SERPINA10: variants seen among roughly 807,000 people sequenced by gnomAD.
The protein encoded by SERPINA10 is serpin family A member 10, also known as protein Z-dependent protease inhibitor.
A neutral mutation model predicts 28.0 loss-of-function variants in SERPINA10; 24 were observed. That is an observed-to-expected ratio of 0.86 (90% CI 0.62 to 1.20). The LOEUF (loss-of-function observed/expected upper bound fraction) is 1.20. Ranked by LOEUF, SERPINA10 falls within the 50% of genes most tolerant of loss-of-function variation. SERPINA10 has a pLI of 0.00. For synonymous variants in SERPINA10, 207 were observed against 203.9 expected (o/e 1.02, Z -0.13); for missense variants, 521 against 537.7 (o/e 0.97, Z 0.31).
intron 1 of SERPINA10, among the ~76,000 whole-genome samples, chr14:94,292,079 C>T (rs747982602): frequency 1.3e-4 from 20 of 152,228 alleles, no homozygotes; most frequent in Non-Finnish European, 5.9e-5. Context: ...TCAGTGTAAA[C>T]GCAGCCCAGT....
chr14:94,291,571 C>T (rs1895179861), intron 1 of SERPINA10, among the ~76,000 whole-genome samples: 1 of 152,232 alleles, frequency 6.6e-6, no homozygotes, highest in Non-Finnish European at 1.5e-5. Flanking sequence ...GGCCTGATCC[C>T]AGAGGCTGGC....
chr14:94,288,532 A>T lies in SERPINA10; in HGVS notation c.746T>A (p.Val249Asp). 2 of 1,614,178 alleles carry T rather than the reference A, an allele frequency of 1.2e-6. No homozygotes were observed. The highest frequency in any genetic ancestry group is 1.7e-6 in the Non-Finnish European group (2 of 1,180,032). Residue 249 changes from valine (V) to aspartate (D), a missense_variant, in exon 3 of 5, where the codon GTC becomes GAC. Transcript: ENST00000261994. ...KGKWLTPFDPVFTEVDTFHLD... is the reference protein window; with the variant it reads ...KGKWLTPFDPDFTEVDTFHLD... ...GTGGAAAGTGTCGACTTCGGTGAAG[A>T]CAGGGTCAAATGGGGTCAACCATTT...
Position 94,283,764 on chromosome 14 carries a change from C to T in SERPINA10, c.*201G>A. The stretch of plus-strand genomic sequence containing the variant: ...TATATATAAGGTTCAGCACTGTCCA[C>T]CGTTTCAGGCATCTGCTGGGGGTCT... On this transcript the variant is annotated 3_prime_UTR_variant, in exon 5 of 5. Transcript: ENST00000261994. 1.6e-6 allele frequency: 1 copy of T among 615,004 alleles called. No individual in the cohort carries two copies. The highest frequency in any genetic ancestry group is 2.9e-6 in the Non-Finnish European group (1 of 347,780). The allele number at this position is 615,004 out of a possible 1,614,324, so 38.1% of individuals were successfully genotyped here.
In SERPINA10 at chr14:94,284,033, T is replaced by C. The variant is rs202084602; in HGVS notation, c.1267A>G (p.Met423Val). 1.2e-5 allele frequency: 20 copies of C among 1,614,042 alleles called. No individual in the cohort carries two copies. Among genetic ancestry groups the C allele is most frequent in the Non-Finnish European group, 1.5e-5 (18 of 1,180,028 alleles). ...VIKVDRPFHF[M>V]IYEETSGMLL... is the part of the protein sequence containing the mutation. ...ATTCCAGAGGTTTCTTCATAGATCA[T>C]GAAATGAAATGGCCGGTCCACTTTG... Residue 423 changes from methionine to valine, a missense_variant, in exon 5 of 5, where the codon ATG (methionine) becomes GTG (valine). By Grantham distance (21) the Met-to-Val change is conservative. Coordinates refer to ENST00000261994, the MANE Select transcript of SERPINA10 (RefSeq NM_001100607.3).
In SERPINA10 at chr14:94,284,048, G is replaced by A. The variant is rs751842440; in HGVS notation, c.1252C>T (p.Arg418Trp). 6.8e-6 allele frequency: 11 copies of A among 1,614,062 alleles called. No individual in the cohort carries two copies. Among genetic ancestry groups the A allele is most frequent in the Admixed American group, 3.3e-5 (2 of 60,000 alleles). Residue 418 changes from arginine to tryptophan, a missense_variant, in exon 5 of 5, where the codon CGG becomes TGG. Transcript: ENST00000261994. ...TCATAGATCATGAAATGAAATGGCC[G>A]GTCCACTTTGATGACAGGAGGCATG... ...YSMPPVIKVDRPFHFMIYEET... is the reference protein window; with the variant it reads ...YSMPPVIKVDWPFHFMIYEET...
At chr14:94,289,172 G>C (rs894290403) in intron 2 of SERPINA10, among the ~76,000 whole-genome samples, 9 of 152,222 alleles carry the variant, frequency 5.9e-5, no homozygotes, top group African/African-American at 2.2e-4. Flanking sequence ...TGTAAGTCTG[G>C]TGCCAGCTCT....
chr14:94,285,642 T>C (rs1481876553), intron 4 of SERPINA10, among the ~76,000 whole-genome samples: 3 of 151,924 alleles, frequency 2.0e-5, no homozygotes, highest in African/African-American at 4.8e-5. Flanking sequence ...TTCAAAGAAA[T>C]GGTGAGTTTG....
At chr14:94,288,707 T>C (rs928551794) in intron 2 of SERPINA10, 148 bp from the exon 3 acceptor site, 25 of 1,148,410 alleles carry the variant, frequency 2.2e-5, no homozygotes, top group Non-Finnish European at 1.3e-6. Flanking sequence ...CCTAATTGGG[T>C]TGGCTTTTCC....
Position 94,286,150 on chromosome 14 carries a change from A to G in SERPINA10, c.1101T>C (p.Leu367=). ...IRRIFSPFAD[L]SELSATGRNL... is the part of the protein sequence containing the mutation. ...TTCTTCCAGTAGCTGAGAGTTCACT[A>G]AGGTCAGCAAAGGGTGAGAAGATTC... Residue 367 remains leucine (L), a synonymous_variant, in exon 4 of 5, where the codon CTT becomes CTC. Coordinates refer to ENST00000261994, the MANE Select transcript of SERPINA10 (RefSeq NM_001100607.3). 6.2e-7 allele frequency: 1 copy of G among 1,614,144 alleles called. No individual in the cohort carries two copies. Among genetic ancestry groups the G allele is most frequent in the East Asian group, 2.2e-5 (1 of 44,854 alleles).
Position 94,283,946 on chromosome 14 carries a change from T to G in SERPINA10, c.*19A>C, listed in dbSNP as rs1323765644. On this transcript the variant is annotated 3_prime_UTR_variant, in exon 5 of 5. Coordinates refer to ENST00000261994, the MANE Select transcript of SERPINA10 (RefSeq NM_001100607.3). Reference sequence around the variant, plus strand: ...ATTCAGCATCTACTACAGCACGAAGTGCTTATGCGTGTCCTGAATTATAGG... The same window carrying G: ...ATTCAGCATCTACTACAGCACGAAGGGCTTATGCGTGTCCTGAATTATAGG... The G allele has an allele frequency of 1.6e-5, 26 of 1,612,798 alleles. No homozygotes were observed. The Admixed American group carries it at 4.3e-4, about 27-fold the overall frequency.
intron 2 of SERPINA10, 114 bp downstream of exon 2, chr14:94,289,762 A>AAC (rs1895113001): frequency 8.3e-7 from 1 of 1,208,112 alleles, no homozygotes; most frequent in Middle Eastern, 1.9e-4. Context: ...GAAACGTGAA[A>AAC]ACACATTCAT....
At chr14:94,292,730 A>T (rs1260603838) in intron 1 of SERPINA10, 1 of 699,970 alleles carries the variant, frequency 1.4e-6, no homozygotes, top group African/African-American at 1.8e-5. Flanking sequence ...AACCCTTTGG[A>T]GTCTAGGCCA....
chr14:94,280,748 C>T lies in SERPINA10; in HGVS notation c.*3217G>A, dbSNP rs1234328837. The T allele has an allele frequency of 6.6e-6, 1 of 152,126 alleles. No individual in the cohort carries two copies. The highest frequency in any genetic ancestry group is 1.9e-4 in the East Asian group (1 of 5,198). 9.4% of individuals were successfully genotyped at this position (152,126 alleles called of 1,614,324 possible). On this transcript the variant is annotated 3_prime_UTR_variant, in exon 5 of 5. Transcript: ENST00000261994. The stretch of plus-strand genomic sequence containing the variant: ...AAACTTGCATTTTTAAGAACAAGTC[C>T]AGGAATTTCACTAGTTAGCCTTACA...
At chr14:94,291,090 C>T (rs1033253415) in intron 1 of SERPINA10, among the ~76,000 whole-genome samples, 6 of 152,214 alleles carry the variant, frequency 3.9e-5, no homozygotes, top group Non-Finnish European at 7.3e-5. Context: ...TGCCCAGTGC[C>T]CTGTTTGGCT....
At chr14:94,287,798 C>T (rs1301858602) in intron 3 of SERPINA10, among the ~76,000 whole-genome samples, 2 of 152,158 alleles carry the variant, frequency 1.3e-5, no homozygotes, top group Non-Finnish European at 1.5e-5. Context: ...ACACTTCTGC[C>T]TGTAACATAA....
At chr14:94,285,985 G>T (rs917553338) in intron 4 of SERPINA10, 123 bp downstream of exon 4, 8 of 1,194,520 alleles carry the variant, frequency 6.7e-6, no homozygotes, top group East Asian at 2.5e-5. Context: ...TCAAGTATTT[G>T]GGACTTAAAT....
At chr14:94,284,212 T>G in intron 4 of SERPINA10, 56 bp from the exon 5 acceptor site, 1 of 1,477,328 alleles carries the variant, frequency 6.8e-7, no homozygotes, top group Non-Finnish European at 9.4e-7. Flanking sequence ...AAGGAGGAAT[T>G]AAATGAGCCC....
At chr14:94,288,167 C>T in intron 3 of SERPINA10, 119 bp downstream of exon 3, 1 of 1,400,856 alleles carries the variant, frequency 7.1e-7, no homozygotes, top group Admixed American at 1.7e-5. Context: ...GCCCTGCCTT[C>T]AGGAAACTTA....
chr14:94,286,234 C>G lies in SERPINA10; in HGVS notation c.1017G>C (p.Lys339Asn), dbSNP rs1183642548. ...TCTCATACTTCTGATCTAGCTTGAA[C>G]TTCGGAAAGAAAACTTCCATGTTTC... ...KTRNMEVFFP[K>N]FKLDQKYEMH... Residue 339 changes from lysine (K) to asparagine (N), a missense_variant, in exon 4 of 5, where the codon AAG (lysine) becomes AAC (asparagine). Lys to Asn is a moderately conservative substitution (Grantham distance 94). Coordinates refer to ENST00000261994, the MANE Select transcript of SERPINA10 (RefSeq NM_001100607.3). 3 of 1,613,930 alleles carry G rather than the reference C, an allele frequency of 1.9e-6. No homozygotes were observed. The highest frequency in any genetic ancestry group is 2.5e-6 in the Non-Finnish European group (3 of 1,180,036).
Sources: gnomAD v4.1 joint callset for allele counts (sites outside exome capture counted in the v4.1 genomes callset) on GRCh38, gnomAD v4.1.1 for gene constraint, MANE v1.5 for transcripts, NCBI Gene and HGNC (gene_info 2026-07-23, HGNC 2026-07-21) for gene names.